Variants in GTF2F2 observed in about 807,000 individuals in gnomAD.
GTF2F2 encodes ATP-dependent helicase GTF2F2.
A neutral mutation model predicts 42.2 loss-of-function variants in GTF2F2; 23 were observed. The observed-to-expected ratio is 0.55, with a 90% confidence interval of 0.39 to 0.77. The LOEUF is 0.77. Among genes scored for constraint, GTF2F2 ranks in the 30% least tolerant of loss-of-function variants. GTF2F2 has a pLI of 0.00. For synonymous variants in GTF2F2, 105 were observed against 100.8 expected (o/e 1.04, Z -0.25); for missense variants, 261 against 287.2 (o/e 0.91, Z 0.66).
intron 5 of GTF2F2, among the ~76,000 whole-genome samples, chr13:45,235,194 A>T (rs1352099152): frequency 6.6e-6 from 1 of 151,954 alleles, no homozygotes; most frequent in East Asian, 1.9e-4. Flanking sequence ...TATAAATATT[A>T]GTGTTTCTGT....
intron 7 of GTF2F2, among the ~76,000 whole-genome samples, chr13:45,272,261 A>G (rs912074210): frequency 2.6e-5 from 4 of 151,294 alleles, no homozygotes; most frequent in African/African-American, 7.3e-5. Flanking sequence ...ACTATTAACT[A>G]TGTTGACTAT....
chr13:45,155,920 T>C (rs1442832825), intron 4 of GTF2F2, among the ~76,000 whole-genome samples: 5 of 152,336 alleles, frequency 3.3e-5, no homozygotes, highest in Non-Finnish European at 7.3e-5. Context: ...ATTTCTATTT[T>C]TCCTGCCTTT....
At chr13:45,184,109 A>G (rs1435376693) in intron 4 of GTF2F2, among the ~76,000 whole-genome samples, 1 of 151,620 alleles carries the variant, frequency 6.6e-6, no homozygotes, top group Non-Finnish European at 1.5e-5. Context: ...GCCCGCCTCA[A>G]CCTCCCAAAG....
chr13:45,123,951 C>G, intron 1 of GTF2F2: 2 of 651,280 alleles, frequency 3.1e-6, no homozygotes, highest in Non-Finnish European at 5.4e-6. Flanking sequence ...CAGGGACTCC[C>G]CAGCATTGAG....
rs113540388 is a variant in GTF2F2 at position 45,140,048 on chromosome 13, CT to C, written c.140+3250del. Among the ~76,000 whole-genome samples the C allele has an allele frequency of 2.6e-5, 4 of 151,134 alleles. 1 individual carries two copies. ...AATAGTTGTTACTATTTGTTTTTCT[CT>C]TTTTTTTGAAACAGGGTCTCACTCT... is the stretch of plus-strand genomic sequence containing the variant. On this transcript the variant is annotated intron_variant, in intron 2 of 7. Coordinates refer to ENST00000340473, the MANE Select transcript of GTF2F2 (RefSeq NM_004128.3).
chr13:45,274,426 A>C (rs1454024459), intron 7 of GTF2F2, among the ~76,000 whole-genome samples: 1 of 143,940 alleles, frequency 6.9e-6, no homozygotes, highest in Non-Finnish European at 1.5e-5. Flanking sequence ...TCCCAGGTTC[A>C]GGCAATTCTC....
In GTF2F2 at chr13:45,191,215, CA is replaced by C. The variant is rs1158010068; in HGVS notation, c.305-16199del. On this transcript the variant is annotated intron_variant, in intron 4 of 7. Coordinates refer to ENST00000340473, the MANE Select transcript of GTF2F2 (RefSeq NM_004128.3). ...TGAAACCCCGTCTCTACTAAAAATA[CA>C]AAAAAAAAATATATATATATATATA... is the stretch of plus-strand genomic sequence containing the variant. Among the ~76,000 whole-genome samples the C allele has an allele frequency of 4.8e-4, 36 of 74,860 alleles. 1 individual carries two copies. The highest frequency in any genetic ancestry group is 7.7e-4 in the African/African-American group (9 of 11,622). 49.1% of individuals were successfully genotyped at this position (74,860 alleles called of 152,430 possible).
At chr13:45,125,929 C>T (rs1868970719) in intron 1 of GTF2F2, among the ~76,000 whole-genome samples, 1 of 152,166 alleles carries the variant, frequency 6.6e-6, no homozygotes, top group Non-Finnish European at 1.5e-5. Flanking sequence ...CAGAGCTGTC[C>T]TCCTGTCCCA....
chr13:45,269,178 T>C (rs931091286), intron 7 of GTF2F2, among the ~76,000 whole-genome samples: 4 of 152,250 alleles, frequency 2.6e-5, no homozygotes, highest in African/African-American at 7.2e-5. Flanking sequence ...AGTTGTATGC[T>C]ATTCCTATCC....
intron 5 of GTF2F2, among the ~76,000 whole-genome samples, chr13:45,223,652 A>G (rs1874212023): frequency 2.6e-5 from 4 of 152,232 alleles, no homozygotes; most frequent in Admixed American, 2.0e-4. Flanking sequence ...ATAAAAAACT[A>G]TTCAAGATGA....
Position 45,273,655 on chromosome 13 carries a change from A to ATTTTTTTTTTTTTTTTT in GTF2F2, c.630+6280_630+6296dup, listed in dbSNP as rs773254844. Among the ~76,000 whole-genome samples the ATTTTTTTTTTTTTTTTT allele has an allele frequency of 9.6e-4, 119 of 123,854 alleles. 4 individuals are homozygous for ATTTTTTTTTTTTTTTTT. The highest frequency in any genetic ancestry group is 1.8e-3 in the African/African-American group (51 of 28,392). The allele number at this position is 123,854 out of a possible 152,430, so 81.3% of individuals were successfully genotyped here. ...CCACTTGATTTTAAAGAGTGGTAAA[A>ATTTTTTTTTTTTTTTTT]TTTTTTTTTTTTTTTTTGAGACGGA... On this transcript the variant is annotated intron_variant, in intron 7 of 7. Coordinates refer to ENST00000340473, the MANE Select transcript of GTF2F2 (RefSeq NM_004128.3).
chr13:45,218,242 TG>T (rs1175681647), intron 5 of GTF2F2, among the ~76,000 whole-genome samples: 3 of 152,196 alleles, frequency 2.0e-5, no homozygotes, highest in Non-Finnish European at 2.9e-5. Context: ...GGATTTAAAA[TG>T]GGTGCTGAAG....
intron 4 of GTF2F2, among the ~76,000 whole-genome samples, chr13:45,191,470 G>A (rs1357651933): frequency 6.6e-6 from 1 of 151,528 alleles, no homozygotes. Flanking sequence ...ACTGGGAACA[G>A]AAATACTCTG....
At chr13:45,256,557 A>G (rs1876112664) in intron 6 of GTF2F2, among the ~76,000 whole-genome samples, 2 of 152,210 alleles carry the variant, frequency 1.3e-5, no homozygotes, top group African/African-American at 4.8e-5. Flanking sequence ...AAGATTGACT[A>G]TAATCTACCA....
intron 4 of GTF2F2, among the ~76,000 whole-genome samples, chr13:45,153,758 A>G (rs1337122844): frequency 2.0e-5 from 3 of 151,958 alleles, no homozygotes; most frequent in Non-Finnish European, 2.9e-5. Context: ...TGGGCAAATC[A>G]CCTGAGGCCA....
At chr13:45,207,005 AACAC>A (rs10547539) in intron 4 of GTF2F2, 3,970 of 139,208 alleles carry the variant, frequency 0.029, 112 homozygotes, top group African/African-American at 0.069. Context: ...CACATACACA[AACAC>A]ACACACACAC....
intron 4 of GTF2F2, chr13:45,193,806 T>C (rs774662198): frequency 6.3e-7 from 1 of 1,591,016 alleles, no homozygotes; most frequent in Non-Finnish European, 8.5e-7. Flanking sequence ...TAAAATGAAG[T>C]GCATCGCTGT....
chr13:45,127,492 ATTTTTT>A (rs34519885), intron 1 of GTF2F2, among the ~76,000 whole-genome samples: 1 of 137,470 alleles, frequency 7.3e-6, no homozygotes. Context: ...CGCCCAACTA[ATTTTTT>A]TTTTTTTTTT....
intron 1 of GTF2F2, among the ~76,000 whole-genome samples, chr13:45,135,158 TG>T (rs1389356365): frequency 2.6e-5 from 4 of 152,052 alleles, no homozygotes; most frequent in African/African-American, 9.7e-5. Context: ...TCCGCCATGA[TG>T]GCCAGGCTGG....
Sources: allele counts gnomAD v4.1 joint callset (sites outside exome capture counted in the v4.1 genomes callset), GRCh38; gene constraint gnomAD v4.1.1; transcripts MANE v1.5; gene names NCBI Gene and HGNC (gene_info 2026-07-23, HGNC 2026-07-21).